The following RIBC1 variants were observed in gnomAD, a reference collection of about 807,000 sequenced individuals.
RIBC1 encodes the protein RIB43A domain with coiled-coils 1.
RIBC1 carries 12 observed loss-of-function variants against 33.7 expected under a neutral mutation model. The ratio of observed to expected loss-of-function variants is 0.36; its 90% confidence interval spans 0.23 to 0.58. RIBC1 has a LOEUF of 0.58. Ranked by LOEUF, RIBC1 falls within the 20% of genes least tolerant of loss-of-function variation. The pLI is 0.81. For missense variants in RIBC1, 242 were observed against 311.6 expected, an observed-to-expected ratio of 0.78 and a Z score of 1.68; for synonymous variants, 89 against 109.0, an observed-to-expected ratio of 0.82 and a Z score of 1.14.
chrX:53,423,285 C>T (rs781904806), intron 1 of RIBC1, 29 bp from the exon 2 acceptor site: 1 of 114,219 alleles, frequency 8.8e-6, no homozygotes, highest in Admixed American at 9.2e-5. Flanking sequence ...TACCCCTATC[C>T]CCTGCCTCCC....
Position 53,431,086 on chromosome X carries a change from T to G in RIBC1, c.*98T>G. The G allele has an allele frequency of 8.7e-7, 1 of 1,146,860 alleles. No homozygotes were observed. Among genetic ancestry groups the G allele is most frequent in the Non-Finnish European group, 1.2e-6 (1 of 848,127 alleles). The allele number at this position is 1,146,860 out of a possible 1,213,427, so 94.5% of individuals were successfully genotyped here. A position where few individuals can be genotyped will look rare whatever the true frequency, so the allele number is the denominator to read the frequency against. On this transcript the variant is annotated 3_prime_UTR_variant, in exon 8 of 8. Coordinates refer to ENST00000375327, the MANE Select transcript of RIBC1 (RefSeq NM_001031745.5). ...TGCTGCATACTCCCACCTTCTAACCTAGGTAATAAAGTTCTGCACTCAAAA... is the reference window on the plus strand; with the variant it reads ...TGCTGCATACTCCCACCTTCTAACCGAGGTAATAAAGTTCTGCACTCAAAA...
chrX:53,424,042 C>G (rs999173269), intron 2 of RIBC1, among the ~76,000 whole-genome samples: 3 of 110,454 alleles, frequency 2.7e-5, no homozygotes, highest in Non-Finnish European at 3.8e-5. Flanking sequence ...CCACTTCACT[C>G]CAGCCTAGGT....
rs2075813647 is a variant in RIBC1 at position 53,429,903 on chromosome X, T to C, written c.594T>C (p.His198=). Residue 198 remains histidine (H), a synonymous_variant, in exon 6 of 8, where the codon CAT becomes CAC. Transcript: ENST00000375327. ...LRLAMDAQAT[H]LARLEESCRA... ...TCGCCATGGATGCACAGGCCACCCATCTGGCCAGGCTGGAGGAGTCCTGTC... is the reference window on the plus strand; with the variant it reads ...TCGCCATGGATGCACAGGCCACCCACCTGGCCAGGCTGGAGGAGTCCTGTC... 15 of 1,211,768 alleles carry C rather than the reference T, an allele frequency of 1.2e-5. No homozygotes were observed. The highest frequency in any genetic ancestry group is 1.6e-5 in the Non-Finnish European group (14 of 895,138).
At chrX:53,424,431 C>T (rs2075779855) in intron 2 of RIBC1, among the ~76,000 whole-genome samples, 1 of 109,581 alleles carries the variant, frequency 9.1e-6, no homozygotes, top group African/African-American at 3.3e-5. Context: ...AGAGAGAGAC[C>T]CCATCTAAAA....
intron 6 of RIBC1, 130 bp from the exon 7 acceptor site, chrX:53,430,266 G>A: frequency 1.9e-6 from 1 of 539,045 alleles, no homozygotes; most frequent in Non-Finnish European, 3.0e-6. Flanking sequence ...CATATTAGGG[G>A]CATTGAAAGG....
rs1264013 is a variant in RIBC1, at chrX:53,430,674, C to A, written c.942C>A (p.Thr314=). ...KTLDTEWKSQ[T]MSSAQAVLEL... ...TGGATACTGAATGGAAAAGCCAGAC[C>A]ATGAGCTCAGCCCAGGCAGTGCTGG... The change falls in exon 7 of 8, where the codon ACC becomes ACA. Residue 314 remains threonine, a synonymous_variant. Transcript: ENST00000375327. 8.3e-7 allele frequency: 1 copy of A among 1,204,588 alleles called. No homozygotes were observed. The highest frequency in any genetic ancestry group is 1.8e-5 in the South Asian group (1 of 55,983).
In RIBC1 at chrX:53,428,324, G is replaced by C. The variant is rs782052874; in HGVS notation, c.241G>C (p.Glu81Gln). 2 of 1,210,357 alleles carry C rather than the reference G, an allele frequency of 1.7e-6. No individual in the cohort carries two copies. The highest frequency in any genetic ancestry group is 3.0e-5 in the East Asian group (1 of 33,810). The change falls in exon 5 of 8, where the codon GAG (glutamate) becomes CAG (glutamine). Residue 81 changes from glutamate to glutamine, a missense_variant. Coordinates refer to ENST00000375327, the MANE Select transcript of RIBC1 (RefSeq NM_001031745.5). The part of the protein sequence containing the change: ...VQYDVVVQML[E>Q]KEEADRTRQL... ...GTATGATGTGGTAGTCCAGATGTTA[G>C]AGAAGGAAGAGGCAGATCGAACACG...
At chrX:53,427,610 CAGG>C (rs2075799214) in intron 3 of RIBC1, among the ~76,000 whole-genome samples, 1 of 112,209 alleles carries the variant, frequency 8.9e-6, no homozygotes, top group African/African-American at 3.2e-5. Flanking sequence ...CTAGATTCTA[CAGG>C]AGTAGAACCT....
intron 6 of RIBC1, 86 bp downstream of exon 6, chrX:53,430,058 C>T: frequency 1.3e-6 from 1 of 781,454 alleles, no homozygotes; most frequent in Non-Finnish European, 1.9e-6. Flanking sequence ...CTTCCTCTTA[C>T]ATCCCCTCTT....
intron 2 of RIBC1, among the ~76,000 whole-genome samples, chrX:53,425,774 G>T (rs1260605387): frequency 8.9e-6 from 1 of 111,866 alleles, no homozygotes; most frequent in Non-Finnish European, 1.9e-5. Flanking sequence ...GAATGGTGGT[G>T]CCACTTACTG....
intron 5 of RIBC1, chrX:53,428,951 GAAT>G (rs1180107056): frequency 2.0e-6 from 1 of 488,774 alleles, no homozygotes; most frequent in East Asian, 5.0e-5. Flanking sequence ...TTTAAAATGA[GAAT>G]AATAATTTAT....
At chrX:53,425,515 T>TAAAAAAAAAAAAAAAAAAA (rs782760749) in intron 2 of RIBC1, among the ~76,000 whole-genome samples, 1 of 25,861 alleles carries the variant, frequency 3.9e-5, no homozygotes, top group African/African-American at 1.6e-4. Context: ...GTAATAAAAG[T>TAAAAAAAAAAAAAAAAAAA]AAAAAAAAAA....
chrX:53,430,637 C>G lies in RIBC1; in HGVS notation c.905C>G (p.Ala302Gly). 8.3e-7 allele frequency: 1 copy of G among 1,206,191 alleles called. No homozygotes were observed. Among genetic ancestry groups the G allele is most frequent in the Non-Finnish European group, 1.1e-6 (1 of 892,360 alleles). The change falls in exon 7 of 8, where the codon GCT (alanine) becomes GGT (glycine). Residue 302 changes from alanine (A) to glycine (G), a missense_variant. Transcript: ENST00000375327. ...TCTAAGAAGCAAGCACACCGTCAGG[C>G]TGAGAAAACACTGGATACTGAATGG... is the stretch of plus-strand genomic sequence containing the variant. ...QRSKKQAHRQ[A>G]EKTLDTEWKS...
At chrX:53,428,140 C>T in intron 4 of RIBC1, 56 bp downstream of exon 4, 1 of 1,195,288 alleles carries the variant, frequency 8.4e-7, no homozygotes, top group Non-Finnish European at 1.1e-6. Context: ...CTCGAGTGGG[C>T]TGAGGTAGGG....
chrX:53,425,504 A>G (rs1448339928), intron 2 of RIBC1, among the ~76,000 whole-genome samples: 1 of 93,901 alleles, frequency 1.1e-5, no homozygotes, highest in Non-Finnish European at 2.1e-5. Context: ...CCAGAAAATA[A>G]GTAATAAAAG....
Position 53,428,319 on chromosome X carries a change from T to C in RIBC1, c.236T>C (p.Met79Thr). The change falls in exon 5 of 8, where the codon ATG (methionine) becomes ACG (threonine). Residue 79 changes from methionine to threonine, a missense_variant. Met to Thr is a moderately conservative substitution (Grantham distance 81). Coordinates refer to ENST00000375327, the MANE Select transcript of RIBC1 (RefSeq NM_001031745.5). ...GTGCAGTATGATGTGGTAGTCCAGATGTTAGAGAAGGAAGAGGCAGATCGA... is the reference window on the plus strand; with the variant it reads ...GTGCAGTATGATGTGGTAGTCCAGACGTTAGAGAAGGAAGAGGCAGATCGA... ...SQVQYDVVVQ[M>T]LEKEEADRTR... The C allele has an allele frequency of 8.3e-7, 1 of 1,211,382 alleles. No homozygotes were observed.
chrX:53,424,193 A>G (rs1007238774), intron 2 of RIBC1, among the ~76,000 whole-genome samples: 1 of 111,634 alleles, frequency 9.0e-6, no homozygotes, highest in African/African-American at 3.3e-5. Context: ...CAGCAATCTC[A>G]TGTAATCCAT....
chrX:53,424,292 A>G (rs1556892781), intron 2 of RIBC1, among the ~76,000 whole-genome samples: 1 of 109,995 alleles, frequency 9.1e-6, no homozygotes, highest in African/African-American at 3.3e-5. Context: ...TTTAAAAATT[A>G]GGCAGGCATG....
intron 5 of RIBC1, 31 bp downstream of exon 5, chrX:53,428,658 C>A (rs781819703): frequency 6.6e-6 from 8 of 1,205,717 alleles, no homozygotes; most frequent in Non-Finnish European, 6.7e-6. Context: ...GACTCAGAGA[C>A]CTGAGGCCTA....
Sources: allele counts gnomAD v4.1 joint callset (sites outside exome capture counted in the v4.1 genomes callset), GRCh38; gene constraint gnomAD v4.1.1; transcripts MANE v1.5; gene names NCBI Gene and HGNC (gene_info 2026-07-23, HGNC 2026-07-21).